The following RAD51AP2 variants were observed in gnomAD, a reference collection of about 807,000 sequenced individuals.
The protein encoded by RAD51AP2 is RAD51 associated protein 2.
A neutral mutation model predicts 85.5 loss-of-function variants in RAD51AP2; 67 were observed. The ratio of observed to expected loss-of-function variants is 0.78; its 90% CI spans 0.64 to 0.96. The LOEUF (loss-of-function observed/expected upper bound fraction) is 0.96. Among genes scored for constraint, RAD51AP2 ranks in the 40% least tolerant of loss-of-function variants. The probability of loss-of-function intolerance (pLI) is 0.00; values close to 1 mark genes in which losing one functional copy is unlikely to be tolerated. For missense variants in RAD51AP2, 1,307 were observed against 1,332.4 expected (o/e 0.98, Z 0.30); for synonymous variants, 474 against 446.5 (o/e 1.06, Z -0.78).
At chr2:17,529,499 G>C in the RAD51AP2 span, among the ~76,000 whole-genome samples, 2 of 151,924 alleles carry the variant, frequency 1.3e-5, no homozygotes, top group Non-Finnish European at 2.9e-5. Flanking sequence ...TAAAAAGAAA[G>C]AGTAATTAAT....
At chr2:17,530,166 G>A in the RAD51AP2 span, among the ~76,000 whole-genome samples, 4 of 151,946 alleles carry the variant, frequency 2.6e-5, no homozygotes, top group Admixed American at 6.5e-5. Flanking sequence ...GCACCTTTCC[G>A]CTTATTCATA....
chr2:17,531,563 C>G, the RAD51AP2 span, among the ~76,000 whole-genome samples: 1 of 152,112 alleles, frequency 6.6e-6, no homozygotes, highest in South Asian at 2.1e-4. Flanking sequence ...AGTCTAATTT[C>G]AGAATATTGT....
chr2:17,518,425 T>C lies in RAD51AP2; in HGVS notation c.-10A>G, dbSNP rs765565925. 13 of 1,607,614 alleles carry C rather than the reference T, an allele frequency of 8.1e-6. No homozygotes were observed. The East Asian group carries it at 1.1e-4, about 14-fold the overall frequency. On this transcript the variant is annotated 5_prime_UTR_variant, in exon 1 of 3. Coordinates refer to ENST00000399080, the MANE Select transcript of RAD51AP2 (RefSeq NM_001099218.3). The stretch of plus-strand genomic sequence containing the variant: ...GCTGAGGGAGAGACATGACAGCGAA[T>C]GGAAAGGATCTGTCCGAGTCCCGGC...
rs1309820543 is a variant in RAD51AP2, at chr2:17,518,207, G to A, written c.209C>T (p.Pro70Leu). ...CGTTGAAACAAGGAGTCCCTTGAAGGGTCTAGGGGACAACTCCCAGACTTT... is the reference window on the plus strand; with the variant it reads ...CGTTGAAACAAGGAGTCCCTTGAAGAGTCTAGGGGACAACTCCCAGACTTT... ...AEKVWELSPR[P>L]FKGLLVSTNA... The change falls in exon 1 of 3, where the codon CCC (proline) becomes CTC (leucine). Residue 70 changes from proline (P) to leucine (L), a missense_variant. Coordinates refer to ENST00000399080, the MANE Select transcript of RAD51AP2 (RefSeq NM_001099218.3). 1 of 1,614,100 alleles carries A rather than the reference G, an allele frequency of 6.2e-7. No individual in the cohort carries two copies. Among genetic ancestry groups the A allele is most frequent in the Admixed American group, 1.7e-5 (1 of 60,024 alleles).
In RAD51AP2 at chr2:17,515,326, C is replaced by T. The variant is rs192515833; in HGVS notation, c.3090G>A (p.Ser1030=). Residue 1030 remains serine (S), a synonymous_variant, in exon 1 of 3, where the codon TCG becomes TCA. Coordinates refer to ENST00000399080, the MANE Select transcript of RAD51AP2 (RefSeq NM_001099218.3). ...TAGGACCTGCTATAGTATCATGGAACGAGGAAGATGCACGTATTTTGTTGA... is the reference window on the plus strand; with the variant it reads ...TAGGACCTGCTATAGTATCATGGAATGAGGAAGATGCACGTATTTTGTTGA... ...VVVNKIRASS[S]FHDTIAGPNM... The T allele has an allele frequency of 8.2e-5, 132 of 1,612,706 alleles. No homozygotes were observed. The highest frequency in any genetic ancestry group is 3.8e-4 in the East Asian group (17 of 44,802).
chr2:17,515,649 A>T lies in RAD51AP2; in HGVS notation c.2767T>A (p.Ser923Thr), dbSNP rs758439634. 1.9e-6 allele frequency: 3 copies of T among 1,612,612 alleles called. No homozygotes were observed. The highest frequency in any genetic ancestry group is 1.3e-5 in the African/African-American group (1 of 74,896). ...NSKDFHRKND[S>T]ALYINHQFET... ...AATTGATGATTAATATATAATGCAG[A>T]GTCATTCTTTCTGTGAAAATCCTTT... Residue 923 changes from serine to threonine, a missense_variant, in exon 1 of 3, where the codon TCT (serine) becomes ACT (threonine). This residue lies in a region of RAD51AP2 where 668 missense variants were observed against 671.0 expected (regional missense o/e 1.00). Transcript: ENST00000399080.
Position 17,517,818 on chromosome 2 carries a change from C to T in RAD51AP2, c.598G>A (p.Glu200Lys), listed in dbSNP as rs780376063. 9 of 1,614,090 alleles carry T rather than the reference C, an allele frequency of 5.6e-6. No homozygotes were observed. The South Asian group carries it at 6.6e-5, about 12-fold the overall frequency. The part of the protein sequence containing the change: ...NPFLDVTFYK[E>K]TKSPFHEIKN... ...ATTTCATGAAATGGTGATTTAGTTT[C>T]CTTGTAAAAGGTAACATCTAAAAAT... The change falls in exon 1 of 3, where the codon GAA (glutamate) becomes AAA (lysine). Residue 200 changes from glutamate to lysine, a missense_variant. By Grantham distance (56) the Glu-to-Lys change is moderately conservative (BLOSUM62 1). This residue lies in a region of RAD51AP2 where 635 missense variants were observed against 643.6 expected (regional missense o/e 0.99). Transcript: ENST00000399080.
In RAD51AP2 at chr2:17,516,371, A is replaced by C. The variant is rs555099617; in HGVS notation, c.2045T>G (p.Phe682Cys). The C allele has an allele frequency of 5.6e-6, 9 of 1,611,970 alleles. No homozygotes were observed. The Admixed American group carries it at 1.3e-4, about 24-fold the overall frequency. ...MTTQNTGFPI[F>C]ETYEKIPLLM... ...AAGGGGAATTTTTTCATATGTTTCA[A>C]AAATCGGAAAACCTGTATTTTGAGT... The change falls in exon 1 of 3, where the codon TTT becomes TGT. Residue 682 changes from phenylalanine to cysteine, a missense_variant. Phe to Cys is a radical substitution (Grantham distance 205). Coordinates refer to ENST00000399080, the MANE Select transcript of RAD51AP2 (RefSeq NM_001099218.3).
In RAD51AP2 at chr2:17,516,934, A is replaced by G. The variant is rs199552327; in HGVS notation, c.1482T>C (p.Asn494=). The change falls in exon 1 of 3, where the codon AAT becomes AAC. Residue 494 remains asparagine (N), a synonymous_variant. Coordinates refer to ENST00000399080, the MANE Select transcript of RAD51AP2 (RefSeq NM_001099218.3). ...ENDNTLQLRY[N]TTQKVFHVNN... is the part of the protein sequence containing the mutation. Reference sequence around the variant, plus strand: ...TCACATGAAAGACTTTTTGTGTAGTATTGTATCTCAACTGTAGAGTATTAT... The same window carrying G: ...TCACATGAAAGACTTTTTGTGTAGTGTTGTATCTCAACTGTAGAGTATTAT... 5 of 1,599,092 alleles carry G rather than the reference A, an allele frequency of 3.1e-6. No individual in the cohort carries two copies. The Admixed American group carries it at 8.8e-5, about 28-fold the overall frequency.
Position 17,516,445 on chromosome 2 carries a change from T to G in RAD51AP2, c.1971A>C (p.Gln657His). 6.3e-7 allele frequency: 1 copy of G among 1,580,780 alleles called. No homozygotes were observed. Among genetic ancestry groups the G allele is most frequent in the East Asian group, 2.2e-5 (1 of 44,632 alleles). ...LKKRKLFRTE[Q>H]VFEKSKKKLI... is the part of the protein sequence containing the mutation. Reference sequence around the variant, plus strand: ...GTTTTTTCTTAGACTTTTCAAAAACTTGTTCAGTTCTAAATAACTTCCTTT... The same window carrying G: ...GTTTTTTCTTAGACTTTTCAAAAACGTGTTCAGTTCTAAATAACTTCCTTT... The change falls in exon 1 of 3, where the codon CAA (glutamine) becomes CAC (histidine). Residue 657 changes from glutamine (Q) to histidine (H), a missense_variant. Physicochemically the swap from Gln to His is conservative, Grantham distance 24 (BLOSUM62 0). Around this residue, in one of 3 missense-constraint regions of RAD51AP2, gnomAD observed 668 missense variants for 671.0 expected, o/e 1.00. Coordinates refer to ENST00000399080, the MANE Select transcript of RAD51AP2 (RefSeq NM_001099218.3).
rs77933452 is a variant in RAD51AP2, at chr2:17,518,401, C to T, written c.15G>A (p.Gln5=). MSLP[Q]PTPRMAELRK... is the part of the protein sequence containing the mutation. ...TGAGCTCGGCCATCCGCGGCGTGGG[C>T]TGAGGGAGAGACATGACAGCGAATG... The change falls in exon 1 of 3, where the codon CAG becomes CAA. Residue 5 remains glutamine, a synonymous_variant. Coordinates refer to ENST00000399080, the MANE Select transcript of RAD51AP2 (RefSeq NM_001099218.3). 7.9e-3 allele frequency: 12,814 copies of T among 1,611,998 alleles called. 905 individuals are homozygous for T. In the East Asian group the frequency reaches 0.19, roughly 24 times the overall value.
chr2:17,517,595 TAGAC>T lies in RAD51AP2; in HGVS notation c.817_820del (p.Val273IlefsTer2), dbSNP rs762802373. Reference sequence around the variant, plus strand: ...CTTTTTCTTCGCTATTTCCTTTAAATAGACAGAGGACATTTTGCTATTTAAGTCC... The same window carrying T: ...CTTTTTCTTCGCTATTTCCTTTAAATAGAGGACATTTTGCTATTTAAGTCC... On this transcript the variant is annotated frameshift_variant, in exon 1 of 3. Transcript: ENST00000399080. LOFTEE classifies it high-confidence loss of function. 1.2e-5 allele frequency: 19 copies of T among 1,613,904 alleles called. No homozygotes were observed. The highest frequency in any genetic ancestry group is 2.7e-5 in the African/African-American group (2 of 74,928).
the RAD51AP2 span, among the ~76,000 whole-genome samples, chr2:17,535,935 CAAAAAAAAAAAAAAAAAAA>C: frequency 1.7e-5 from 1 of 57,228 alleles, no homozygotes; most frequent in Non-Finnish European, 3.3e-5. Flanking sequence ...GTAAGAACAC[CAAAAAAAAAAAAAAAAAAA>C]AAAAAGAGGG....
chr2:17,518,901 C>G (rs935025090), upstream of RAD51AP2, among the ~76,000 whole-genome samples: 1 of 152,066 alleles, frequency 6.6e-6, no homozygotes, highest in African/African-American at 2.4e-5. Context: ...TCGTGTAGTT[C>G]TGTCAGCACC....
rs1662692151 is a variant in RAD51AP2, at chr2:17,516,839, T to G, written c.1577A>C (p.Asp526Ala). The change falls in exon 1 of 3, where the codon GAT (aspartate) becomes GCT (alanine). Residue 526 changes from aspartate to alanine, a missense_variant. Physicochemically the swap from Asp to Ala is moderately radical, Grantham distance 126 (BLOSUM62 -2). Coordinates refer to ENST00000399080, the MANE Select transcript of RAD51AP2 (RefSeq NM_001099218.3). Reference sequence around the variant, plus strand: ...GTTACAGCAGGTTAAAATACTATTATCTTTTTTATTTCCTGAAATACTTTT... The same window carrying G: ...GTTACAGCAGGTTAAAATACTATTAGCTTTTTTATTTCCTGAAATACTTTT... ...FHKSISGNKK[D>A]NSILTCCNIL... 1 of 1,545,608 alleles carries G rather than the reference T, an allele frequency of 6.5e-7. No individual in the cohort carries two copies. Among genetic ancestry groups the G allele is most frequent in the African/African-American group, 1.4e-5 (1 of 71,504 alleles).
Position 17,517,764 on chromosome 2 carries a change from C to CTTT in RAD51AP2, c.651_652insAAA (p.Val217_Val218insLys). 6.2e-7 allele frequency: 1 copy of CTTT among 1,613,864 alleles called. No homozygotes were observed. The highest frequency in any genetic ancestry group is 8.5e-7 in the Non-Finnish European group (1 of 1,179,832). On this transcript the variant is annotated inframe_insertion, in exon 1 of 3. Coordinates refer to ENST00000399080, the MANE Select transcript of RAD51AP2 (RefSeq NM_001099218.3). ...TTATTTTCTCTTTTATTTGATGGCA[C>CTTT]AACACTGTTAGCTTTACATCTGTTC...
chr2:17,516,358 T>A lies in RAD51AP2; in HGVS notation c.2058A>T (p.Glu686Asp), dbSNP rs867945708. The A allele has an allele frequency of 6.2e-7, 1 of 1,612,042 alleles. No homozygotes were observed. Among genetic ancestry groups the A allele is most frequent in the Middle Eastern group, 1.7e-4 (1 of 6,058 alleles). ...CAAAGTCCATTAAAAGGGGAATTTT[T>A]TCATATGTTTCAAAAATCGGAAAAC... The part of the protein sequence containing the change: ...NTGFPIFETY[E>D]KIPLLMDFDD... Residue 686 changes from glutamate (E) to aspartate (D), a missense_variant, in exon 1 of 3, where the codon GAA (glutamate) becomes GAT (aspartate). Glu to Asp is a conservative substitution (Grantham distance 45). This residue lies in a region of RAD51AP2 where 668 missense variants were observed against 671.0 expected (regional missense o/e 1.00). Coordinates refer to ENST00000399080, the MANE Select transcript of RAD51AP2 (RefSeq NM_001099218.3).
the RAD51AP2 span, among the ~76,000 whole-genome samples, chr2:17,534,361 CATAT>C: frequency 6.6e-6 from 1 of 152,238 alleles, no homozygotes; most frequent in Admixed American, 6.5e-5. Flanking sequence ...TCTATTACTG[CATAT>C]TCTTGTCATC....
rs759502956 is a variant in RAD51AP2, at chr2:17,517,262, A to T, written c.1154T>A (p.Val385Glu). Residue 385 changes from valine (V) to glutamate (E), a missense_variant, in exon 1 of 3, where the codon GTA becomes GAA. By Grantham distance (121) the Val-to-Glu change is moderately radical (BLOSUM62 -2). This residue lies in a region of RAD51AP2 where 635 missense variants were observed against 643.6 expected (regional missense o/e 0.99). Coordinates refer to ENST00000399080, the MANE Select transcript of RAD51AP2 (RefSeq NM_001099218.3). ...TTGAGATTTTTCCAGCCTGGTAAGT[A>T]CGTAACTGTCCAGACATTCTGCTTC... ...WEEAECLDSY[V>E]LTRLEKSQNW... The T allele has an allele frequency of 2.5e-6, 4 of 1,613,860 alleles. No homozygotes were observed. The Admixed American group carries it at 5.0e-5, about 20-fold the overall frequency.
Sources: gnomAD v4.1 joint callset for allele counts (sites outside exome capture counted in the v4.1 genomes callset) on GRCh38, gnomAD v4.1.1 for gene constraint, gnomAD v4.1.1 regional missense constraint, MANE v1.5 for transcripts, NCBI Gene and HGNC (gene_info 2026-07-23, HGNC 2026-07-21) for gene names.